The following CIART variants were observed in gnomAD, a reference collection of about 807,000 sequenced individuals.
CIART encodes the protein circadian-associated transcriptional repressor.
In CIART, 7 loss-of-function variants were observed where a neutral mutation model predicts 22.1. The observed-to-expected ratio is 0.32, with a 90% CI of 0.18 to 0.59. The LOEUF (loss-of-function observed/expected upper bound fraction) is 0.59. Ranked by LOEUF, CIART falls within the 20% of genes least tolerant of loss-of-function variation. The pLI is 0.86. For synonymous variants in CIART, 163 were observed against 174.6 expected, an observed-to-expected ratio of 0.93 and a Z score of 0.53; for missense variants, 440 against 478.0, an observed-to-expected ratio of 0.92 and a Z score of 0.74.
At position 150,286,462 on chromosome 1, in the gene CIART, T is replaced by C; in HGVS notation, c.666T>C (p.Ala222=). 6.3e-7 allele frequency: 1 copy of C among 1,589,186 alleles called. No individual in the cohort carries two copies. The highest frequency in any genetic ancestry group is 1.3e-5 in the African/African-American group (1 of 74,192). ...CAAGCCACCACAGTGATTCAGCTGCTTCCTCTCCTGCATCTCCTATGGAAA... is the reference window on the plus strand; with the variant it reads ...CAAGCCACCACAGTGATTCAGCTGCCTCCTCTCCTGCATCTCCTATGGAAA... ...HFPSHHSDSA[A]SSPASPMEKM... is the part of the protein sequence containing the mutation. The change falls in exon 5 of 5, where the codon GCT becomes GCC. Residue 222 remains alanine, a synonymous_variant. Transcript: ENST00000290363.
chr1:150,286,473 C>T lies in CIART; in HGVS notation c.677C>T (p.Ala226Val). 1.3e-6 allele frequency: 2 copies of T among 1,589,648 alleles called. No homozygotes were observed. Among genetic ancestry groups the T allele is most frequent in the Non-Finnish European group, 8.6e-7 (1 of 1,158,040 alleles). ...HHSDSAASSP[A>V]SPMEKMDQTQ... ...AGTGATTCAGCTGCTTCCTCTCCTG[C>T]ATCTCCTATGGAAAAGATGGACCAG... Residue 226 changes from alanine to valine, a missense_variant, in exon 5 of 5, where the codon GCA becomes GTA. By Grantham distance (64) the Ala-to-Val change is moderately conservative (BLOSUM62 0). Coordinates refer to ENST00000290363, the MANE Select transcript of CIART (RefSeq NM_144697.4).
At position 150,283,462 on chromosome 1, in the gene CIART, G is replaced by A. The variant is rs1553853949; in HGVS notation, c.195G>A (p.Arg65=). 1.2e-6 allele frequency: 2 copies of A among 1,614,220 alleles called. No homozygotes were observed. The highest frequency in any genetic ancestry group is 2.2e-5 in the East Asian group (1 of 44,878). Residue 65 remains arginine (R), a synonymous_variant, in exon 1 of 5, where the codon AGG becomes AGA. Transcript: ENST00000290363. ...CCAGCCCGGGTCCTATCCGCTGCAG[G>A]CATCGATCGAAGGTTTCCGGTAACC... is the stretch of plus-strand genomic sequence containing the variant. ...SRPSPGPIRC[R]HRSKVSGNQH... is the part of the protein sequence containing the mutation.
intron 4 of CIART, chr1:150,285,026 C>A: frequency 3.0e-6 from 1 of 331,960 alleles, no homozygotes; most frequent in Non-Finnish European, 5.6e-6. Context: ...GAATACACCT[C>A]AGCTTCTCTC....
intron 1 of CIART, 63 bp from the exon 2 acceptor site, chr1:150,283,742 A>G (rs1238548486): frequency 2.0e-5 from 31 of 1,550,548 alleles, no homozygotes; most frequent in Non-Finnish European, 2.6e-5. Context: ...AGGTGAAGGA[A>G]GAGCCACTGC....
chr1:150,286,388 C>T (rs1560054525), intron 4 of CIART, 42 bp from the exon 5 acceptor site: 6 of 1,493,512 alleles, frequency 4.0e-6, no homozygotes, highest in Non-Finnish European at 5.6e-6. Context: ...CATCTGAATG[C>T]TTTCTCCACA....
At position 150,286,446 on chromosome 1, in the gene CIART, A is replaced by G; in HGVS notation, c.650A>G (p.His217Arg). Residue 217 changes from histidine to arginine, a missense_variant, in exon 5 of 5, where the codon CAC becomes CGC. His to Arg is a conservative substitution (Grantham distance 29). Transcript: ENST00000290363. ...HQLTKHFPSH[H>R]SDSAASSPAS... is the part of the protein sequence containing the mutation. ...CCTCTCTAGCATTTTCCAAGCCACC[A>G]CAGTGATTCAGCTGCTTCCTCTCCT... The G allele has an allele frequency of 6.3e-7, 1 of 1,583,566 alleles. No individual in the cohort carries two copies. The highest frequency in any genetic ancestry group is 8.7e-7 in the Non-Finnish European group (1 of 1,152,770).
At position 150,283,435 on chromosome 1, in the gene CIART, G is replaced by T; in HGVS notation, c.168G>T (p.Arg56=). Residue 56 remains arginine, a synonymous_variant, in exon 1 of 5, where the codon CGG becomes CGT. Transcript: ENST00000290363. ...PDTVGQRGGS[R]PSPGPIRCRH... ...CTGTTGGGCAGAGGGGAGGTTCACG[G>T]CCCAGCCCGGGTCCTATCCGCTGCA... is the stretch of plus-strand genomic sequence containing the variant. The T allele has an allele frequency of 1.9e-6, 3 of 1,614,206 alleles. No homozygotes were observed. In the South Asian group the frequency reaches 3.3e-5, roughly 18 times the overall value.
chr1:150,283,279 A>C lies in CIART; in HGVS notation c.12A>C (p.Pro4=). ...CTGCTTCTGGACCTATGGATTCTCC[A>C]TCTAGCGTTTCTTCCTATTCCTCCT... MDS[P]SSVSSYSSYS... The change falls in exon 1 of 5, where the codon CCA becomes CCC. Residue 4 remains proline (P), a synonymous_variant. Transcript: ENST00000290363. The C allele has an allele frequency of 6.6e-7, 1 of 1,521,100 alleles. No homozygotes were observed. Among genetic ancestry groups the C allele is most frequent in the Non-Finnish European group, 8.8e-7 (1 of 1,136,180 alleles). 94.2% of individuals were successfully genotyped at this position (1,521,100 alleles called of 1,614,324 possible). A position where few individuals can be genotyped will look rare whatever the true frequency, so the allele number is the denominator to read the frequency against.
In CIART at chr1:150,283,496, C is replaced by A; in HGVS notation, c.229C>A (p.Pro77Thr). Residue 77 changes from proline to threonine, a missense_variant, in exon 1 of 5, where the codon CCA becomes ACA. Pro to Thr is a conservative substitution (Grantham distance 38). Transcript: ENST00000290363. ...RSKVSGNQHT[P>T]SHPKQRGSAS... ...GAAGGTTTCCGGTAACCAGCATACA[C>A]CATCTCATCCGAAACAGCGGGGTTC... 1.2e-6 allele frequency: 2 copies of A among 1,614,248 alleles called. No individual in the cohort carries two copies. The highest frequency in any genetic ancestry group is 1.7e-6 in the Non-Finnish European group (2 of 1,180,044).
At chr1:150,284,107 TC>T (rs1303956139) in intron 2 of CIART, among the ~76,000 whole-genome samples, 1 of 152,066 alleles carries the variant, frequency 6.6e-6, no homozygotes, top group African/African-American at 2.4e-5. Context: ...AACTTCCACC[TC>T]CTGGGTTCAA....
In CIART at chr1:150,284,657, A is replaced by G. The variant is rs1310175343; in HGVS notation, c.582A>G (p.Gln194=). 1.9e-6 allele frequency: 3 copies of G among 1,614,110 alleles called. No individual in the cohort carries two copies. Among genetic ancestry groups the G allele is most frequent in the Admixed American group, 1.7e-5 (1 of 60,024 alleles). Residue 194 remains glutamine, a synonymous_variant, in exon 4 of 5, where the codon CAA becomes CAG. Transcript: ENST00000290363. ...VEGMLKTWFP[Q]IAAQKSSLGG... ...GGATGTTAAAGACTTGGTTTCCACA[A>G]ATAGCTGCCCAGAAGTCATCATTGG...
intron 4 of CIART, 40 bp downstream of exon 4, chr1:150,284,748 C>T: frequency 6.8e-7 from 1 of 1,466,570 alleles, no homozygotes; most frequent in Non-Finnish European, 9.5e-7. Flanking sequence ...GGGAAAATAG[C>T]CAAGAAAATG....
chr1:150,284,876 G>GTTC, intron 4 of CIART, 168 bp downstream of exon 4: 2 of 561,468 alleles, frequency 3.6e-6, no homozygotes, highest in African/African-American at 1.9e-5. Context: ...TACATGTTTT[G>GTTC]TTGTTGTTGT....
rs1553853886 is a variant in CIART, at chr1:150,283,298, T to C, written c.31T>C (p.Ser11Pro). The C allele has an allele frequency of 6.6e-7, 1 of 1,525,342 alleles. No individual in the cohort carries two copies. The highest frequency in any genetic ancestry group is 2.3e-5 in the East Asian group (1 of 44,164). The allele number at this position is 1,525,342 out of a possible 1,614,324, so 94.5% of individuals were successfully genotyped here. Residue 11 changes from serine (S) to proline (P), a missense_variant, in exon 1 of 5, where the codon TCC becomes CCC. Transcript: ENST00000290363. ...TTCTCCATCTAGCGTTTCTTCCTAT[T>C]CCTCCTACTCTCTCTCTTCGTCTTT... is the stretch of plus-strand genomic sequence containing the variant. MDSPSSVSSY[S>P]SYSLSSSFPT...
chr1:150,286,460 G>A lies in CIART; in HGVS notation c.664G>A (p.Ala222Thr). ...TCCAAGCCACCACAGTGATTCAGCT[G>A]CTTCCTCTCCTGCATCTCCTATGGA... ...HFPSHHSDSA[A>T]SSPASPMEKM... The change falls in exon 5 of 5, where the codon GCT becomes ACT. Residue 222 changes from alanine (A) to threonine (T), a missense_variant. Coordinates refer to ENST00000290363, the MANE Select transcript of CIART (RefSeq NM_144697.4). 9 of 1,589,038 alleles carry A rather than the reference G, an allele frequency of 5.7e-6. No individual in the cohort carries two copies. The highest frequency in any genetic ancestry group is 6.9e-6 in the Non-Finnish European group (8 of 1,157,696).
intron 4 of CIART, chr1:150,285,095 T>A (rs1445631318): frequency 4.0e-6 from 1 of 248,644 alleles, no homozygotes; most frequent in African/African-American, 2.4e-5. Context: ...TTTTCATTTC[T>A]GCCCACGTAT....
At chr1:150,285,806 T>C (rs975573996) in intron 4 of CIART, among the ~76,000 whole-genome samples, 12 of 152,072 alleles carry the variant, frequency 7.9e-5, no homozygotes, top group Admixed American at 6.6e-4. Flanking sequence ...TGAAGGCTGC[T>C]ATCTACAAAA....
chr1:150,284,017 T>TATC, intron 2 of CIART, 137 bp downstream of exon 2: 1 of 464,880 alleles, frequency 2.2e-6, no homozygotes, highest in East Asian at 4.1e-5. Context: ...TTATTATTAT[T>TATC]ATTATTATTA....
At chr1:150,284,538 T>C in intron 3 of CIART, 34 bp downstream of exon 3, 1 of 1,596,468 alleles carries the variant, frequency 6.3e-7, no homozygotes, top group South Asian at 1.1e-5. Flanking sequence ...TGGGTCTTCA[T>C]AAAAAGGAGA....
Sources: allele counts gnomAD v4.1 joint callset (sites outside exome capture counted in the v4.1 genomes callset), GRCh38; gene constraint gnomAD v4.1.1; transcripts MANE v1.5; gene names NCBI Gene and HGNC (gene_info 2026-07-23, HGNC 2026-07-21).